Variants in AATF observed in about 807,000 individuals in gnomAD.
AATF encodes the protein protein AATF.
A neutral mutation model predicts 63.7 loss-of-function variants in AATF; 48 were observed. The observed-to-expected ratio is 0.75, with a 90% CI of 0.60 to 0.96. The LOEUF is 0.96. Ranked by LOEUF, AATF falls within the 40% of genes least tolerant of loss-of-function variation. The pLI is 0.00. For synonymous variants in AATF, 258 were observed against 247.7 expected, an observed-to-expected ratio of 1.04 and a Z score of -0.39; for missense variants, 639 against 685.7, an observed-to-expected ratio of 0.93 and a Z score of 0.76.
chr17:37,056,647 G>A lies in AATF; in HGVS notation c.1666G>A (p.Glu556Lys), dbSNP rs367770515. Residue 556 changes from glutamate (E) to lysine (K), a missense_variant, in exon 12 of 12, where the codon GAA (glutamate) becomes AAA (lysine). By Grantham distance (56) the Glu-to-Lys change is moderately conservative (BLOSUM62 1). Coordinates refer to ENST00000619387, the MANE Select transcript of AATF (RefSeq NM_012138.4). ...TTTTGGCCAGCTCCACCCTCCCGAC[G>A]AAGGCCACGGGGATTGACATCGCCC... ...SLFGQLHPPD[E>K]GHGD 3.2e-5 allele frequency: 52 copies of A among 1,614,194 alleles called. No homozygotes were observed. Among genetic ancestry groups the A allele is most frequent in the Non-Finnish European group, 4.0e-5 (47 of 1,180,034 alleles).
At chr17:36,969,601 C>T (rs1291617631) in intron 4 of AATF, among the ~76,000 whole-genome samples, 1 of 152,172 alleles carries the variant, frequency 6.6e-6, no homozygotes, top group Non-Finnish European at 1.5e-5. Context: ...CCCCAGTCAT[C>T]TTGCTTAGGT....
At chr17:36,963,034 G>A (rs1013403970) in intron 4 of AATF, among the ~76,000 whole-genome samples, 1 of 152,094 alleles carries the variant, frequency 6.6e-6, no homozygotes, top group Non-Finnish European at 1.5e-5. Flanking sequence ...CAGGAGAATC[G>A]CTTGAACCCG....
At chr17:37,047,366 A>G (rs1441663113) in intron 11 of AATF, among the ~76,000 whole-genome samples, 1 of 151,396 alleles carries the variant, frequency 6.6e-6, no homozygotes, top group Non-Finnish European at 1.5e-5. Context: ...AGTAGTAGGG[A>G]TGGTGGAAGT....
chr17:37,047,762 A>G (rs2071705782), intron 11 of AATF, among the ~76,000 whole-genome samples: 1 of 152,214 alleles, frequency 6.6e-6, no homozygotes, highest in Non-Finnish European at 1.5e-5. Context: ...ATGAGAGCAG[A>G]CACACGGGGT....
At chr17:36,952,597 G>A (rs897360841) in intron 2 of AATF, among the ~76,000 whole-genome samples, 2 of 152,180 alleles carry the variant, frequency 1.3e-5, no homozygotes, top group Admixed American at 6.5e-5. Context: ...ACTCTTCTGG[G>A]TTATTGAAAT....
intron 4 of AATF, among the ~76,000 whole-genome samples, chr17:36,985,440 AAATT>A (rs1302060187): frequency 1.3e-5 from 2 of 148,616 alleles, no homozygotes; most frequent in East Asian, 3.9e-4. Context: ...ATGCCTGGCT[AAATT>A]TTTTTTTTTT....
intron 4 of AATF, among the ~76,000 whole-genome samples, chr17:36,977,841 C>T (rs761655187): frequency 1.5e-4 from 23 of 152,006 alleles, no homozygotes; most frequent in African/African-American, 3.9e-4. Context: ...TGCTCAGTAG[C>T]GATGCAGGTT....
intron 8 of AATF, among the ~76,000 whole-genome samples, chr17:37,018,383 A>G (rs1278963250): frequency 1.3e-5 from 2 of 152,206 alleles, no homozygotes; most frequent in Non-Finnish European, 2.9e-5. Flanking sequence ...GCAGTATGCA[A>G]ATGACTTTCT....
At chr17:36,992,513 T>C (rs1345806894) in intron 8 of AATF, among the ~76,000 whole-genome samples, 1 of 152,150 alleles carries the variant, frequency 6.6e-6, no homozygotes, top group Non-Finnish European at 1.5e-5. Flanking sequence ...AATTGAAGTG[T>C]ACATTGTTCG....
intron 4 of AATF, among the ~76,000 whole-genome samples, chr17:36,981,925 C>G (rs938388355): frequency 6.6e-6 from 1 of 151,800 alleles, no homozygotes. Context: ...TAAATATATT[C>G]ACATTGTTGT....
intron 3 of AATF, 33 bp from the exon 4 acceptor site, chr17:36,953,737 T>C: frequency 1.2e-6 from 2 of 1,600,574 alleles, no homozygotes; most frequent in Non-Finnish European, 1.7e-6. Context: ...TATTTTATTA[T>C]TGAGGAATGG....
chr17:37,006,175 AAG>A (rs2071340041), intron 8 of AATF, among the ~76,000 whole-genome samples: 1 of 152,114 alleles, frequency 6.6e-6, no homozygotes, highest in Non-Finnish European at 1.5e-5. Context: ...AAATTTAAAA[AAG>A]AAAAAAAGAG....
intron 4 of AATF, among the ~76,000 whole-genome samples, chr17:36,979,964 C>T (rs1216250811): frequency 6.6e-6 from 1 of 152,154 alleles, no homozygotes; most frequent in Non-Finnish European, 1.5e-5. Context: ...TCTGTGAATA[C>T]TGTCCAATCC....
chr17:37,007,602 A>G (rs2071352146), intron 8 of AATF, among the ~76,000 whole-genome samples: 1 of 152,128 alleles, frequency 6.6e-6, no homozygotes, highest in African/African-American at 2.4e-5. Flanking sequence ...CCTGCCTGCA[A>G]GAAGCTCATA....
chr17:37,052,327 G>A (rs987428739), intron 11 of AATF: 1 of 152,248 alleles, frequency 6.6e-6, no homozygotes, highest in South Asian at 2.1e-4. Flanking sequence ...CTAAATCCCA[G>A]TTAGGAAGAT....
chr17:37,018,915 C>A, intron 8 of AATF, 90 bp from the exon 9 acceptor site: 2 of 1,035,666 alleles, frequency 1.9e-6, no homozygotes, highest in Admixed American at 1.7e-5. Context: ...AGAGCTGTCA[C>A]TATGCCATTC....
At chr17:36,996,815 A>G (rs758511517) in intron 8 of AATF, among the ~76,000 whole-genome samples, 2 of 152,192 alleles carry the variant, frequency 1.3e-5, no homozygotes, top group African/African-American at 4.8e-5. Context: ...AGGAGCGTCA[A>G]GGTAAGGTGC....
chr17:36,964,313 G>C (rs1206778937), intron 4 of AATF, among the ~76,000 whole-genome samples: 1 of 151,952 alleles, frequency 6.6e-6, no homozygotes, highest in African/African-American at 2.4e-5. Context: ...AGTGGGGATG[G>C]AGTGGAGATG....
intron 11 of AATF, among the ~76,000 whole-genome samples, chr17:37,049,280 C>G (rs917328427): frequency 6.6e-6 from 1 of 152,126 alleles, no homozygotes; most frequent in African/African-American, 2.4e-5. Flanking sequence ...TTCTATTAAG[C>G]TGGTTTCTCT....
Sources: allele counts gnomAD v4.1 joint callset (sites outside exome capture counted in the v4.1 genomes callset), GRCh38; gene constraint gnomAD v4.1.1; transcripts MANE v1.5; gene names NCBI Gene and HGNC (gene_info 2026-07-23, HGNC 2026-07-21).